Variants in ACVR2A observed in about 807,000 individuals in gnomAD.
The protein encoded by ACVR2A is activin A receptor type 2A, also known as activin receptor type-2A.
In ACVR2A, 7 loss-of-function variants were observed where a neutral mutation model predicts 61.4. That is an observed-to-expected ratio of 0.11 (90% CI 0.06 to 0.21). The LOEUF (loss-of-function observed/expected upper bound fraction) is 0.21. Among genes scored for constraint, ACVR2A ranks in the 10% least tolerant of loss-of-function variants. ACVR2A has a pLI of 1.00. For missense variants in ACVR2A, 322 were observed against 621.7 expected, an observed-to-expected ratio of 0.52 and a Z score of 5.13; for synonymous variants, 193 against 208.3, an observed-to-expected ratio of 0.93 and a Z score of 0.63.
At chr2:147,924,907 T>G (rs548926384) in intron 9 of ACVR2A, among the ~76,000 whole-genome samples, 1 of 152,034 alleles carries the variant, frequency 6.6e-6, no homozygotes, top group Admixed American at 6.6e-5. Flanking sequence ...CACCTTAGAA[T>G]GTCGGTACTT....
At chr2:147,850,120 T>G (rs192087769) in intron 1 of ACVR2A, among the ~76,000 whole-genome samples, 15 of 152,242 alleles carry the variant, frequency 9.9e-5, no homozygotes, top group Admixed American at 8.5e-4. Context: ...CTGTAACTCA[T>G]TGTTTTTTCC....
chr2:147,873,303 TA>T (rs1323089065), intron 1 of ACVR2A, among the ~76,000 whole-genome samples: 43 of 152,014 alleles, frequency 2.8e-4, no homozygotes, highest in Admixed American at 2.5e-3. Flanking sequence ...TAAATGTTTT[TA>T]AAATAAAATT....
At chr2:147,872,707 A>G (rs1686053879) in intron 1 of ACVR2A, among the ~76,000 whole-genome samples, 1 of 151,610 alleles carries the variant, frequency 6.6e-6, no homozygotes, top group Admixed American at 6.6e-5. Context: ...AACTCCCAGC[A>G]TTTTGTATGC....
At chr2:147,906,090 G>A (rs984847154) in intron 4 of ACVR2A, among the ~76,000 whole-genome samples, 2 of 152,068 alleles carry the variant, frequency 1.3e-5, no homozygotes, top group African/African-American at 4.8e-5. Flanking sequence ...GTATTTAGGA[G>A]GAAGTGAGTT....
chr2:147,915,427 C>G, intron 5 of ACVR2A, 93 bp downstream of exon 5: 1 of 1,475,398 alleles, frequency 6.8e-7, no homozygotes, highest in Non-Finnish European at 9.3e-7. Context: ...GCCATATGTA[C>G]CAAGGTGGTT....
At position 147,928,888 on chromosome 2, in the gene ACVR2A, T is replaced by C. The variant is rs1687578251; in HGVS notation, c.*1614T>C. The C allele has an allele frequency of 6.6e-6, 1 of 152,508 alleles. No homozygotes were observed. Among genetic ancestry groups the C allele is most frequent in the Admixed American group, 6.6e-5 (1 of 15,212 alleles). The allele number at this position is 152,508 out of a possible 1,614,324, so 9.4% of individuals were successfully genotyped here. A position where few individuals can be genotyped will look rare whatever the true frequency, so the allele number is the denominator to read the frequency against. Reference sequence around the variant, plus strand: ...TAGCCAGTATTATGCTGTGTATTTCTGTCAGGTCATTTTAAAATCCATGTT... The same window carrying C: ...TAGCCAGTATTATGCTGTGTATTTCCGTCAGGTCATTTTAAAATCCATGTT... On this transcript the variant is annotated 3_prime_UTR_variant, in exon 11 of 11. Transcript: ENST00000241416.
intron 1 of ACVR2A, among the ~76,000 whole-genome samples, chr2:147,859,568 G>T (rs538667369): frequency 6.6e-6 from 1 of 152,224 alleles, no homozygotes; most frequent in South Asian, 2.1e-4. Context: ...CTTCAGTTGT[G>T]TGTGTGATTG....
At chr2:147,849,192 A>G (rs558645924) in intron 1 of ACVR2A, among the ~76,000 whole-genome samples, 1 of 152,256 alleles carries the variant, frequency 6.6e-6, no homozygotes, top group Admixed American at 6.5e-5. Context: ...GACATAATGA[A>G]TGATTGGTTA....
chr2:147,919,548 A>C (rs1687331317), intron 7 of ACVR2A, among the ~76,000 whole-genome samples: 1 of 152,132 alleles, frequency 6.6e-6, no homozygotes, highest in Non-Finnish European at 1.5e-5. Context: ...TCTGCACATA[A>C]ATTTAACCAC....
At position 147,927,307 on chromosome 2, in the gene ACVR2A, G is replaced by C. The variant is rs1399640405; in HGVS notation, c.*33G>C. On this transcript the variant is annotated 3_prime_UTR_variant, in exon 11 of 11. Transcript: ENST00000241416. The stretch of plus-strand genomic sequence containing the variant: ...GCCATCTGTGCACACTAAGAAATGG[G>C]ACTCTGAACTGGAGCTGCTAAGCTA... 1.9e-6 allele frequency: 3 copies of C among 1,569,600 alleles called. No individual in the cohort carries two copies. The African/African-American group carries it at 4.2e-5, about 22-fold the overall frequency.
chr2:147,847,757 G>A (rs1210153255), intron 1 of ACVR2A, among the ~76,000 whole-genome samples: 2 of 152,060 alleles, frequency 1.3e-5, no homozygotes, highest in South Asian at 2.1e-4. Context: ...CTTTGATTTT[G>A]AATTTTTTCA....
chr2:147,846,623 G>C (rs971747173), intron 1 of ACVR2A, among the ~76,000 whole-genome samples: 1 of 152,150 alleles, frequency 6.6e-6, no homozygotes. Flanking sequence ...ATGGAAGAAG[G>C]AACATGCTTA....
chr2:147,874,574 A>G (rs1218572104), intron 1 of ACVR2A, among the ~76,000 whole-genome samples: 4 of 151,944 alleles, frequency 2.6e-5, no homozygotes. Flanking sequence ...ATAAAAATAT[A>G]GATTCTTGAG....
chr2:147,896,411 A>G lies in ACVR2A; in HGVS notation c.166A>G (p.Lys56Glu), dbSNP rs1558806515. 7 of 1,614,044 alleles carry G rather than the reference A, an allele frequency of 4.3e-6. No individual in the cohort carries two copies. Among genetic ancestry groups the G allele is most frequent in the Non-Finnish European group, 5.1e-6 (6 of 1,179,964 alleles). ...TGAACCGTGTTATGGTGACAAAGAT[A>G]AACGGCGGCATTGTTTTGCTACCTG... ...GVEPCYGDKD[K>E]RRHCFATWKN... Residue 56 changes from lysine to glutamate, a missense_variant, in exon 2 of 11, where the codon AAA (lysine) becomes GAA (glutamate). Around this residue, in one of 3 missense-constraint regions of ACVR2A, gnomAD observed 142 missense variants for 200.3 expected, o/e 0.71. Transcript: ENST00000241416.
chr2:147,868,621 T>TTTTATTTATTTATTTATTTA (rs566332005), intron 1 of ACVR2A, among the ~76,000 whole-genome samples: 2 of 150,956 alleles, frequency 1.3e-5, no homozygotes, highest in African/African-American at 4.9e-5. Flanking sequence ...TTTTATTTTA[T>TTTTATTTATTTATTTATTTA]TTTATTTATT....
chr2:147,904,810 A>G (rs535471589), intron 4 of ACVR2A, among the ~76,000 whole-genome samples: 84 of 152,184 alleles, frequency 5.5e-4, no homozygotes, highest in African/African-American at 1.9e-3. Flanking sequence ...TTTTCAGCCA[A>G]GTTAATTTAG....
rs1338931857 is a variant in ACVR2A at position 147,886,790 on chromosome 2, G to A, written c.56-9511G>A. ...TGGCATCTTTTTTTTTTTTTTTTGG[G>A]ACGTTTGTTTTACATTGATTTAATT... On this transcript the variant is annotated intron_variant, in intron 1 of 10. Transcript: ENST00000241416. Among the ~76,000 whole-genome samples the A allele has an allele frequency of 2.0e-5, 3 of 147,734 alleles. No homozygotes were observed. The South Asian group carries it at 6.4e-4, about 31-fold the overall frequency.
chr2:147,909,150 C>T (rs759181203), intron 4 of ACVR2A, among the ~76,000 whole-genome samples: 2 of 152,130 alleles, frequency 1.3e-5, no homozygotes, highest in African/African-American at 2.4e-5. Flanking sequence ...ACCTTAACTG[C>T]TTCTCCCTAG....
chr2:147,898,495 G>T (rs752156592), intron 2 of ACVR2A, among the ~76,000 whole-genome samples: 4 of 151,970 alleles, frequency 2.6e-5, no homozygotes, highest in Non-Finnish European at 4.4e-5. Flanking sequence ...AATAGATGTT[G>T]ATGTTGAGTA....
Sources: gnomAD v4.1 joint callset for allele counts (sites outside exome capture counted in the v4.1 genomes callset) on GRCh38, gnomAD v4.1.1 for gene constraint, gnomAD v4.1.1 regional missense constraint, MANE v1.5 for transcripts, NCBI Gene and HGNC (gene_info 2026-07-23, HGNC 2026-07-21) for gene names.